Variants in TXNL4A observed in about 807,000 individuals in gnomAD.
TXNL4A encodes the protein thioredoxin-like protein 4A.
A neutral mutation model predicts 14.6 loss-of-function variants in TXNL4A; 17 were observed. The observed-to-expected ratio is 1.16, with a 90% CI of 0.80 to 1.74. The LOEUF (loss-of-function observed/expected upper bound fraction) is 1.74, where lower values mean the gene tolerates loss of function less well. TXNL4A is among the 40% of genes most tolerant of loss of function. The pLI, the probability that TXNL4A is intolerant of heterozygous loss-of-function variation, is 0.00. For synonymous variants in TXNL4A, 83 were observed against 70.6 expected (o/e 1.18, Z -0.88); for missense variants, 74 against 195.2 (o/e 0.38, Z 3.70).
At chr18:79,995,033 T>C (rs929845900) in intron 1 of TXNL4A, 5 of 152,198 alleles carry the variant, frequency 3.3e-5, no homozygotes, top group African/African-American at 1.2e-4. Context: ...ATCAACCCGT[T>C]TCGGGAACAA....
At chr18:79,995,355 C>T (rs1053000124) in intron 1 of TXNL4A, 2 of 152,196 alleles carry the variant, frequency 1.3e-5, no homozygotes, top group Admixed American at 6.5e-5. Context: ...CAGAGATGCT[C>T]GTGAACGATG....
chr18:80,007,256 T>G (rs181058988), intron 1 of TXNL4A, among the ~76,000 whole-genome samples: 2 of 152,212 alleles, frequency 1.3e-5, no homozygotes, highest in African/African-American at 4.8e-5. Flanking sequence ...TTTATTCAGC[T>G]GGGAGCATCG....
At chr18:80,028,847 C>CA (rs1246949058) in intron 1 of TXNL4A, among the ~76,000 whole-genome samples, 1 of 152,186 alleles carries the variant, frequency 6.6e-6, no homozygotes, top group African/African-American at 2.4e-5. Context: ...AAAAAATGTA[C>CA]AACATGTATC....
At chr18:79,977,949 G>GTGAGCT in intron 1 of TXNL4A, 1 of 490,362 alleles carries the variant, frequency 2.0e-6, no homozygotes, top group Non-Finnish European at 3.6e-6. Context: ...GATTATAGGA[G>GTGAGCT]TGAGCCATCA....
intron 1 of TXNL4A, among the ~76,000 whole-genome samples, chr18:80,032,112 G>A (rs1163873475): frequency 1.3e-5 from 2 of 152,128 alleles, no homozygotes; most frequent in African/African-American, 4.8e-5. Context: ...TCTGGCCTAG[G>A]TCCCTATACA....
In TXNL4A at chr18:79,988,233, G is replaced by A. The variant is rs749426355; in HGVS notation, c.153+7C>T. On this transcript the variant is annotated splice_region_variant and intron_variant, in intron 1 of 2. Transcript: ENST00000269601. ...AGCCCGCAGAGCGGGAGAGTCCGGC[G>A]CGCTACCTTCTCGGCGATGCTGTAC... 9 of 1,529,144 alleles carry A rather than the reference G, an allele frequency of 5.9e-6. No individual in the cohort carries two copies. Among genetic ancestry groups the A allele is most frequent in the Admixed American group, 3.5e-5 (2 of 57,328 alleles). 94.7% of individuals were successfully genotyped at this position (1,529,144 alleles called of 1,614,324 possible).
At chr18:79,988,602 G>C (rs1599732770), upstream of TXNL4A, 1 of 419,558 alleles carries the variant, frequency 2.4e-6, no homozygotes, top group East Asian at 4.1e-5. Flanking sequence ...CTGACGGCAT[G>C]CGCGCGCGCT....
intron 1 of TXNL4A, among the ~76,000 whole-genome samples, chr18:80,029,744 C>G (rs2051909232): frequency 6.6e-6 from 1 of 152,146 alleles, no homozygotes; most frequent in African/African-American, 2.4e-5. Context: ...TCCAATCCAC[C>G]CCTTTTGGAA....
In TXNL4A at chr18:79,976,616, C is replaced by A. The variant is rs930929835; in HGVS notation, c.257+982G>T. ...GATGTCTGACTTACAGAACTGTGAG[C>A]TCAGAAAAGCGGGGTGATTTAAGCT... On this transcript the variant is annotated intron_variant, in intron 2 of 2. Transcript: ENST00000269601. 8 of 313,196 alleles carry A rather than the reference C, an allele frequency of 2.6e-5. No individual in the cohort carries two copies. The Admixed American group carries it at 3.6e-4, about 14-fold the overall frequency. 19.4% of individuals were successfully genotyped at this position (313,196 alleles called of 1,614,324 possible).
intron 1 of TXNL4A, among the ~76,000 whole-genome samples, chr18:80,023,618 T>C (rs1322032963): frequency 1.3e-5 from 2 of 151,656 alleles, no homozygotes; most frequent in African/African-American, 4.9e-5. Context: ...AAGAACCAAA[T>C]GGAGAGGAGG....
At chr18:80,026,198 C>T (rs570515763) in intron 1 of TXNL4A, among the ~76,000 whole-genome samples, 28 of 152,236 alleles carry the variant, frequency 1.8e-4, no homozygotes, top group South Asian at 1.5e-3. Context: ...CTTAGCTGAC[C>T]GATTATCCCA....
intron 1 of TXNL4A, among the ~76,000 whole-genome samples, chr18:80,027,320 AAAAC>A (rs2051891279): frequency 6.6e-6 from 1 of 152,006 alleles, no homozygotes; most frequent in Admixed American, 6.6e-5. Context: ...CTGTAAAACA[AAAAC>A]AAAAACAAAA....
rs1347855982 is a variant in TXNL4A at position 79,993,565 on chromosome 18, C to A, written c.-60-15864G>T. The stretch of plus-strand genomic sequence containing the variant: ...AGAAGTCATATAATTTGCGTGATCA[C>A]TGTTAGTTTTGCTTAGCTGTTTTGT... On this transcript the variant is annotated intron_variant, in intron 1 of 2. Coordinates refer to the TXNL4A transcript ENST00000585474. The surrounding 1 kb of genome is among the most constrained non-coding windows in gnomAD (Gnocchi z 4.4). 6.6e-6 allele frequency among the ~76,000 whole-genome samples: 1 copy of A among 152,130 alleles called. No homozygotes were observed. The highest frequency in any genetic ancestry group is 6.5e-5 in the Admixed American group (1 of 15,274).
At chr18:80,021,471 CT>C (rs772984948) in intron 1 of TXNL4A, among the ~76,000 whole-genome samples, 12 of 152,102 alleles carry the variant, frequency 7.9e-5, no homozygotes, top group South Asian at 2.1e-4. Context: ...GCCACTGCCC[CT>C]GGCTGGTTGG....
At chr18:80,015,049 T>C (rs1009004365) in intron 1 of TXNL4A, among the ~76,000 whole-genome samples, 2 of 152,112 alleles carry the variant, frequency 1.3e-5, no homozygotes, top group African/African-American at 4.8e-5. Flanking sequence ...GGGCACCAAG[T>C]CCCTAGGCCG....
chr18:79,984,296 A>G (rs141116306), intron 1 of TXNL4A, among the ~76,000 whole-genome samples: 420 of 152,338 alleles, frequency 2.8e-3, no homozygotes, highest in African/African-American at 9.7e-3. Flanking sequence ...ACAATTTATT[A>G]GAATGTACTA....
chr18:80,005,990 G>A (rs2051727695), intron 1 of TXNL4A, among the ~76,000 whole-genome samples: 2 of 151,856 alleles, frequency 1.3e-5, no homozygotes, highest in Non-Finnish European at 2.9e-5. Context: ...TCTAGTGTGG[G>A]GACACAATTT....
intron 1 of TXNL4A, among the ~76,000 whole-genome samples, chr18:79,978,072 C>T (rs1444918670): frequency 4.6e-5 from 7 of 152,300 alleles, no homozygotes; most frequent in East Asian, 1.9e-4. Context: ...CGGCTCCTTC[C>T]GCCTCACGCC....
intron 1 of TXNL4A, among the ~76,000 whole-genome samples, chr18:80,033,099 A>T (rs902379515): frequency 1.3e-5 from 2 of 152,180 alleles, no homozygotes; most frequent in Non-Finnish European, 2.9e-5. Flanking sequence ...GTGCGTCCTT[A>T]ACTTTGGCAA....
Sources: allele counts gnomAD v4.1 joint callset (sites outside exome capture counted in the v4.1 genomes callset), GRCh38; gene constraint gnomAD v4.1.1; non-coding constraint Gnocchi (gnomAD v3.1); transcripts MANE v1.5; gene names NCBI Gene and HGNC (gene_info 2026-07-23, HGNC 2026-07-21).